SLC5A9: variants seen among roughly 807,000 people sequenced by gnomAD.
The protein encoded by SLC5A9 is solute carrier family 5 member 9, also known as sodium/glucose cotransporter 4.
A neutral mutation model predicts 70.9 loss-of-function variants in SLC5A9; 59 were observed. That is an observed-to-expected ratio of 0.83 (90% CI 0.68 to 1.03). SLC5A9 has a LOEUF of 1.03. Ranked by LOEUF, SLC5A9 falls within the 50% of genes least tolerant of loss-of-function variation. SLC5A9 has a pLI of 0.00. For missense variants in SLC5A9, 832 were observed against 881.1 expected (o/e 0.94, Z 0.71); for synonymous variants, 340 against 346.5 (o/e 0.98, Z 0.21).
At chr1:48,232,566 G>A in intron 8 of SLC5A9, 64 bp downstream of exon 8, 1 of 1,595,766 alleles carries the variant, frequency 6.3e-7, no homozygotes, top group Non-Finnish European at 8.6e-7. Flanking sequence ...TCTGGAGAAT[G>A]GGAATGTGGC....
At chr1:48,247,269 C>T in intron 13 of SLC5A9, 66 bp from the exon 14 acceptor site, 1 of 1,473,252 alleles carries the variant, frequency 6.8e-7, no homozygotes. Context: ...CTATCACTTT[C>T]CTTTCTCCAA....
At position 48,222,800 on chromosome 1, in the gene SLC5A9, G is replaced by T. The variant is rs779009287; in HGVS notation, c.64G>T (p.Ala22Ser). 6.2e-7 allele frequency: 1 copy of T among 1,614,232 alleles called. No homozygotes were observed. The highest frequency in any genetic ancestry group is 1.1e-5 in the South Asian group (1 of 91,086). ...AGGGGACGGGGTCAGGACTGAGACA[G>T]CTCCACACATAGCACTGGACTCCAG... ...ASGDGVRTET[A>S]PHIALDSRVG... The change falls in exon 1 of 14, where the codon GCT becomes TCT. Residue 22 changes from alanine (A) to serine (S), a missense_variant. Physicochemically the swap from Ala to Ser is moderately conservative, Grantham distance 99. Transcript: ENST00000438567.
chr1:48,239,066 T>C lies in SLC5A9; in HGVS notation c.1462-256T>C, dbSNP rs1240572719. On this transcript the variant is annotated intron_variant, in intron 11 of 13. Coordinates refer to ENST00000438567, the MANE Select transcript of SLC5A9 (RefSeq NM_001011547.3). This position sits in a 1 kb window ranked among gnomAD's most constrained non-coding sequence, Gnocchi z 4.2. ...AAAACTCTGAGTCAGCACGGCCGAG[T>C]CATTGGTTCAGTCAGTTCACAATGG... Among the ~76,000 whole-genome samples, 3 of 152,228 alleles carry C rather than the reference T, an allele frequency of 2.0e-5. No individual in the cohort carries two copies. Among genetic ancestry groups the C allele is most frequent in the African/African-American group, 7.2e-5 (3 of 41,452 alleles).
Position 48,239,927 on chromosome 1 carries a change from C to T in SLC5A9, c.1677+390C>T, listed in dbSNP as rs1199746371. Among the ~76,000 whole-genome samples the T allele has an allele frequency of 6.6e-6, 1 of 152,180 alleles. No homozygotes were observed. The highest frequency in any genetic ancestry group is 2.4e-5 in the African/African-American group (1 of 41,436). On this transcript the variant is annotated intron_variant, in intron 12 of 13. Transcript: ENST00000438567. This position sits in a 1 kb window ranked among gnomAD's most constrained non-coding sequence, Gnocchi z 4.2. ...TCACCTCCTGGGGGCCCAGGGAGGG[C>T]ACACTGATGAGGACACTTTGAATTA...
intron 9 of SLC5A9, among the ~76,000 whole-genome samples, chr1:48,234,921 G>T (rs1376713650): frequency 6.6e-6 from 1 of 152,140 alleles, no homozygotes; most frequent in East Asian, 1.9e-4. Flanking sequence ...AGGGAGATGG[G>T]CACCTGAGTT....
intron 12 of SLC5A9, chr1:48,241,804 T>G (rs915797268): frequency 1.0e-5 from 4 of 401,468 alleles, no homozygotes; most frequent in Admixed American, 5.7e-5. Flanking sequence ...GTGTTCTCTA[T>G]TCCTGGGAAA....
In SLC5A9 at chr1:48,231,981, C is replaced by A. The variant is rs1407973165; in HGVS notation, c.727C>A (p.Gln243Lys). ...CGTGGGCTGGTACCCAGGCCTGGAG[C>A]AGCGGTACAGGCAGGCCATCCCTAA... ...QDVGWYPGLE[Q>K]RYRQAIPNVT... Residue 243 changes from glutamine to lysine, a missense_variant, in exon 7 of 14, where the codon CAG becomes AAG. Coordinates refer to ENST00000438567, the MANE Select transcript of SLC5A9 (RefSeq NM_001011547.3). The A allele has an allele frequency of 1.2e-6, 2 of 1,614,164 alleles. No individual in the cohort carries two copies. Among genetic ancestry groups the A allele is most frequent in the Admixed American group, 3.3e-5 (2 of 60,022 alleles).
At chr1:48,232,891 AAGG>A (rs1010002308) in intron 8 of SLC5A9, among the ~76,000 whole-genome samples, 7 of 143,302 alleles carry the variant, frequency 4.9e-5, no homozygotes, top group Non-Finnish European at 9.2e-5. Flanking sequence ...AAGAAAAAGA[AAGG>A]AAGGAAGGAA....
chr1:48,231,878 G>A (rs920598623), intron 6 of SLC5A9, 68 bp from the exon 7 acceptor site: 46 of 1,600,980 alleles, frequency 2.9e-5, no homozygotes, highest in Non-Finnish European at 3.8e-5. Flanking sequence ...CATGAGGCTG[G>A]GGCTGGGCTT....
chr1:48,243,354 T>C (rs1262147194), intron 13 of SLC5A9, among the ~76,000 whole-genome samples: 2 of 152,134 alleles, frequency 1.3e-5, no homozygotes, highest in African/African-American at 2.4e-5. Flanking sequence ...GAGCGGCTGA[T>C]GGGCCATATG....
chr1:48,224,591 C>A, intron 1 of SLC5A9, 133 bp from the exon 2 acceptor site: 1 of 803,938 alleles, frequency 1.2e-6, no homozygotes, highest in Non-Finnish European at 2.1e-6. Flanking sequence ...TCAGGCAGCT[C>A]TCTTCTGCCT....
rs545201307 is a variant in SLC5A9 at position 48,242,297 on chromosome 1, G to T, written c.1678-160G>T. On this transcript the variant is annotated intron_variant, in intron 12 of 13. Coordinates refer to ENST00000438567, the MANE Select transcript of SLC5A9 (RefSeq NM_001011547.3). ...GAATTGCTCATATTTGAAGAAAGAG[G>T]AAGTCAGGGCTGAGATCCGGGCCTC... The T allele has an allele frequency of 4.7e-5, 36 of 773,362 alleles. No homozygotes were observed. In the East Asian group the frequency reaches 9.0e-4, roughly 19 times the overall value. 47.9% of individuals were successfully genotyped at this position (773,362 alleles called of 1,614,324 possible).
rs750453729 is a variant in SLC5A9, at chr1:48,239,547, G to T, written c.1677+10G>T. ...CATCCCTGAGGAACAGGCAAGTGTT[G>T]TGCTCATACTGAGGCCCTCCAGAAA... On this transcript the variant is annotated intron_variant, in intron 12 of 13. Coordinates refer to ENST00000438567, the MANE Select transcript of SLC5A9 (RefSeq NM_001011547.3). The surrounding 1 kb of genome is among the most constrained non-coding windows in gnomAD (Gnocchi z 4.2). The T allele has an allele frequency of 6.2e-7, 1 of 1,613,054 alleles. No homozygotes were observed. The highest frequency in any genetic ancestry group is 8.5e-7 in the Non-Finnish European group (1 of 1,179,032).
In SLC5A9 at chr1:48,235,784, C is replaced by T. The variant is rs1205246398; in HGVS notation, c.1197C>T (p.Thr399=). 1 of 1,614,106 alleles carries T rather than the reference C, an allele frequency of 6.2e-7. No homozygotes were observed. The highest frequency in any genetic ancestry group is 1.3e-5 in the African/African-American group (1 of 74,926). The change falls in exon 10 of 14, where the codon ACC becomes ACT. Residue 399 remains threonine (T), a synonymous_variant. Coordinates refer to ENST00000438567, the MANE Select transcript of SLC5A9 (RefSeq NM_001011547.3). ...VIMAALMSSL[T]SIFNSSSTLF... is the part of the protein sequence containing the mutation. ...TGGCCGCTCTCATGAGCTCACTCAC[C>T]TCCATCTTCAACAGCAGCAGCACCC...
intron 13 of SLC5A9, among the ~76,000 whole-genome samples, chr1:48,244,261 G>C (rs1644424396): frequency 1.3e-5 from 2 of 152,138 alleles, no homozygotes. Flanking sequence ...TAATTCTAGA[G>C]AGCTAAGAGC....
rs1644214928 is a variant in SLC5A9, at chr1:48,229,423, C to T, written c.468C>T (p.Val156=). 6.2e-7 allele frequency: 1 copy of T among 1,614,116 alleles called. No homozygotes were observed. The highest frequency in any genetic ancestry group is 2.2e-5 in the East Asian group (1 of 44,864). The change falls in exon 4 of 14, where the codon GTC becomes GTT. Residue 156 remains valine (V), a synonymous_variant. Coordinates refer to ENST00000438567, the MANE Select transcript of SLC5A9 (RefSeq NM_001011547.3). ...GGQRIQVYMS[V]LSLILYIFTK... The stretch of plus-strand genomic sequence containing the variant: ...AGAGGATCCAGGTGTACATGTCTGT[C>T]CTGTCTCTCATCCTCTACATCTTCA...
At chr1:48,244,359 A>G (rs74077916) in intron 13 of SLC5A9, among the ~76,000 whole-genome samples, 2,577 of 152,206 alleles carry the variant, frequency 0.017, 85 homozygotes, top group African/African-American at 0.059. Context: ...GCCAGGTTTT[A>G]GGGGCCCTAT....
At chr1:48,230,134 C>T (rs1644226405) in intron 4 of SLC5A9, among the ~76,000 whole-genome samples, 2 of 152,222 alleles carry the variant, frequency 1.3e-5, no homozygotes, top group African/African-American at 2.4e-5. Context: ...ATGTAGATGA[C>T]CCAGACCCAT....
In SLC5A9 at chr1:48,239,690, T is replaced by TC. The variant is rs1247179539; in HGVS notation, c.1677+157dup. On this transcript the variant is annotated intron_variant, in intron 12 of 13. Transcript: ENST00000438567. The surrounding 1 kb of genome is among the most constrained non-coding windows in gnomAD (Gnocchi z 4.2). The stretch of plus-strand genomic sequence containing the variant: ...AGGGAAAGTGCCTTGGGCTATGAAT[T>TC]CCCCATTGAAAAGTAATTCATTCAA... Among the ~76,000 whole-genome samples, 5 of 152,328 alleles carry TC rather than the reference T, an allele frequency of 3.3e-5. No homozygotes were observed. Among genetic ancestry groups the TC allele is most frequent in the African/African-American group, 1.2e-4 (5 of 41,572 alleles).
Sources: gnomAD v4.1 joint callset for allele counts (sites outside exome capture counted in the v4.1 genomes callset) on GRCh38, gnomAD v4.1.1 for gene constraint, Gnocchi (gnomAD v3.1) non-coding constraint, MANE v1.5 for transcripts, NCBI Gene and HGNC (gene_info 2026-07-23, HGNC 2026-07-21) for gene names.